AFTPH: variants seen among roughly 807,000 people sequenced by gnomAD.
AFTPH encodes the protein aftiphilin.
Under a neutral mutation model 72.5 loss-of-function variants are expected in AFTPH, and 7 were observed. The observed-to-expected ratio is 0.10, with a 90% CI of 0.05 to 0.18. The LOEUF (loss-of-function observed/expected upper bound fraction) is 0.18, where lower values mean the gene tolerates loss of function less well. Among genes scored for constraint, AFTPH ranks in the 10% least tolerant of loss-of-function variants. AFTPH has a pLI of 1.00. For missense variants in AFTPH, 979 were observed against 1,060.5 expected (o/e 0.92, Z 1.07); for synonymous variants, 337 against 370.1 (o/e 0.91, Z 1.03).
chr2:64,536,642 A>G (rs1346252998), intron 1 of AFTPH, among the ~76,000 whole-genome samples: 2 of 151,642 alleles, frequency 1.3e-5, no homozygotes, highest in African/African-American at 4.8e-5. Flanking sequence ...GGGATAGAAT[A>G]TAAGTAGGAG....
chr2:64,572,965 A>AGGAACCACTGAAACC, exon 6 of AFTPH: 1 of 1,614,134 alleles, frequency 6.2e-7, no homozygotes, highest in Non-Finnish European at 8.5e-7. Context: ...GAGCCCACCA[A>AGGAACCACTGAAACC]GGAACCACTG....
intron 6 of AFTPH, among the ~76,000 whole-genome samples, chr2:64,575,183 G>C (rs1385968827): frequency 6.6e-6 from 1 of 152,074 alleles, no homozygotes; most frequent in Non-Finnish European, 1.5e-5. Context: ...AGCTTATCAT[G>C]TTTCTTTTAT....
intron 1 of AFTPH, among the ~76,000 whole-genome samples, chr2:64,536,130 G>GGA (rs1258867194): frequency 6.6e-6 from 1 of 152,196 alleles, no homozygotes; most frequent in African/African-American, 2.4e-5. Context: ...TTGGAGAATA[G>GGA]GAGATACATC....
chr2:64,525,788 TTAG>T (rs1572925941), intron 1 of AFTPH, among the ~76,000 whole-genome samples: 1 of 152,242 alleles, frequency 6.6e-6, no homozygotes, highest in African/African-American at 2.4e-5. Context: ...GTTGGCTTTT[TTAG>T]TAGTCATTTT....
At chr2:64,588,285 GT>G (rs1211029599) in intron 8 of AFTPH, among the ~76,000 whole-genome samples, 6 of 152,058 alleles carry the variant, frequency 3.9e-5, no homozygotes, top group African/African-American at 1.4e-4. Flanking sequence ...ATCCGTATTT[GT>G]TTTTTGGCTG....
chr2:64,524,713 T>G, intron 1 of AFTPH, 101 bp downstream of exon 1: 2 of 378,376 alleles, frequency 5.3e-6, no homozygotes. Context: ...CGGGAGCATC[T>G]GCCCGCCGCG....
chr2:64,553,468 T>A, intron 2 of AFTPH, 59 bp downstream of exon 2: 4 of 1,482,908 alleles, frequency 2.7e-6, no homozygotes, highest in South Asian at 1.4e-5. Context: ...GGCTTCTAAT[T>A]TCAGCTTTTC....
intron 6 of AFTPH, among the ~76,000 whole-genome samples, chr2:64,575,352 T>C (rs1196614847): frequency 1.3e-5 from 2 of 152,088 alleles, no homozygotes; most frequent in African/African-American, 2.4e-5. Flanking sequence ...CAGAGCAGGC[T>C]TGGTGGCTCA....
chr2:64,548,309 C>T (rs895899119), intron 1 of AFTPH, among the ~76,000 whole-genome samples: 8 of 141,804 alleles, frequency 5.6e-5, no homozygotes, highest in African/African-American at 1.5e-4. Flanking sequence ...AGGAGAATGG[C>T]GTGAACCCGG....
At chr2:64,571,155 C>G (rs9309361) in intron 5 of AFTPH, among the ~76,000 whole-genome samples, 3 of 151,582 alleles carry the variant, frequency 2.0e-5, no homozygotes, top group Non-Finnish European at 2.9e-5. Flanking sequence ...TGATCTCACC[C>G]GGAGAAATAG....
At position 64,572,880 on chromosome 2, in the gene AFTPH, T is replaced by G. The variant is rs1027839144; in HGVS notation, c.2272-66T>G. ...CTGTTTTTTACCTTCTTCTTTCTGA[T>G]AGATTAACTTAAGTTTATGGGCTGT... On this transcript the variant is annotated intron_variant, in intron 5 of 8. Coordinates refer to ENST00000238856, the Ensembl canonical transcript of AFTPH. 3 of 1,570,908 alleles carry G rather than the reference T, an allele frequency of 1.9e-6. No homozygotes were observed. The African/African-American group carries it at 4.1e-5, about 21-fold the overall frequency.
exon 2 of AFTPH, chr2:64,552,959 A>G (rs2103946755): frequency 6.2e-7 from 1 of 1,614,182 alleles, no homozygotes; most frequent in Non-Finnish European, 8.5e-7. Context: ...AGACAATATT[A>G]ACAAAGTCAG....
exon 9 of AFTPH, chr2:64,592,581 C>G (rs989180997): frequency 6.0e-5 from 9 of 150,818 alleles, no homozygotes; most frequent in Admixed American, 3.9e-4. Flanking sequence ...TGGCGTATTG[C>G]TGTTTGACCT....
intron 2 of AFTPH, among the ~76,000 whole-genome samples, chr2:64,557,067 G>A (rs1043487230): frequency 6.6e-6 from 1 of 151,762 alleles, no homozygotes; most frequent in African/African-American, 2.4e-5. Flanking sequence ...TTTTTTATGA[G>A]TGTTATTTTA....
intron 5 of AFTPH, among the ~76,000 whole-genome samples, chr2:64,572,668 C>T (rs1672513031): frequency 6.6e-6 from 1 of 152,082 alleles, no homozygotes. Context: ...AAATGGTTCT[C>T]ATTATAGTGC....
chr2:64,549,213 C>T (rs993120019), intron 1 of AFTPH, among the ~76,000 whole-genome samples: 103 of 151,646 alleles, frequency 6.8e-4, no homozygotes, highest in African/African-American at 2.3e-3. Flanking sequence ...AAACATTTTC[C>T]TCATGTATCT....
chr2:64,525,407 A>G (rs1669197347), intron 1 of AFTPH: 1 of 154,300 alleles, frequency 6.5e-6, no homozygotes, highest in Admixed American at 6.5e-5. Flanking sequence ...TAGCTTGGTT[A>G]TACTGAATCT....
At chr2:64,590,614 T>C (rs1272759446) in intron 8 of AFTPH, among the ~76,000 whole-genome samples, 1 of 152,212 alleles carries the variant, frequency 6.6e-6, no homozygotes, top group Non-Finnish European at 1.5e-5. Context: ...CAATTAAAAA[T>C]GTAGATTTTC....
rs184297323 is a variant in AFTPH at position 64,577,596 on chromosome 2, T to C, written c.2395-1890T>C. On this transcript the variant is annotated intron_variant, in intron 6 of 8. Transcript: ENST00000238856. Reference sequence around the variant, plus strand: ...TTGTCCATTCATTCAGTGTTGAATATGCCCAAAGGTGTCACTGATCTAGAA... The same window carrying C: ...TTGTCCATTCATTCAGTGTTGAATACGCCCAAAGGTGTCACTGATCTAGAA... Among the ~76,000 whole-genome samples the C allele has an allele frequency of 4.9e-3, 749 of 152,354 alleles. 3 individuals are homozygous for C. Among genetic ancestry groups the C allele is most frequent in the Non-Finnish European group, 6.4e-3 (437 of 68,014 alleles).
Sources: gnomAD v4.1 joint callset for allele counts (sites outside exome capture counted in the v4.1 genomes callset) on GRCh38, gnomAD v4.1.1 for gene constraint, MANE v1.5 for transcripts, NCBI Gene and HGNC (gene_info 2026-07-23, HGNC 2026-07-21) for gene names.